Variants in FRMD4B observed in about 807,000 individuals in gnomAD.
FRMD4B encodes FERM domain containing 4B.
Under a neutral mutation model 141.5 loss-of-function variants are expected in FRMD4B, and 74 were observed. That is an observed-to-expected ratio of 0.52 (90% confidence interval 0.43 to 0.63). FRMD4B has a LOEUF of 0.63. FRMD4B is among the 30% of genes least tolerant of loss of function. FRMD4B has a pLI of 0.00. For missense variants in FRMD4B, 1,366 were observed against 1,253.4 expected (o/e 1.09, Z -1.36); for synonymous variants, 506 against 467.9 (o/e 1.08, Z -1.05).
In FRMD4B at chr3:69,524,426, C is replaced by A. The variant is rs573698452; in HGVS notation, c.-129+17780G>T. Reference sequence around the variant, plus strand: ...TCTCCAGTGATCTTTCAGTTAACTCCAAATTAACTAAAGCTGTCATGTGTT... The same window carrying A: ...TCTCCAGTGATCTTTCAGTTAACTCAAAATTAACTAAAGCTGTCATGTGTT... On this transcript the variant is annotated intron_variant, in intron 1 of 5. Coordinates refer to the FRMD4B transcript ENST00000459638. Among the ~76,000 whole-genome samples the A allele has an allele frequency of 4.6e-5, 7 of 152,284 alleles. No homozygotes were observed. In the South Asian group the frequency reaches 1.5e-3, roughly 32 times the overall value.
chr3:69,534,911 A>G (rs1456667553), intron 1 of FRMD4B, among the ~76,000 whole-genome samples: 1 of 152,236 alleles, frequency 6.6e-6, no homozygotes, highest in Non-Finnish European at 1.5e-5. Context: ...AAAATGTGGC[A>G]CATAGTTGGT....
chr3:69,181,193 A>G lies in FRMD4B; in HGVS notation c.2557T>C (p.Tyr853His), dbSNP rs2092703602. The part of the protein sequence containing the change: ...AHYGYERQRD[Y>H]SRSFHEDEVD... Reference sequence around the variant, plus strand: ...TCATCTTCGTGAAAGGATCTGCTGTAGTCCCTCTGGCGCTCATATCCATAG... The same window carrying G: ...TCATCTTCGTGAAAGGATCTGCTGTGGTCCCTCTGGCGCTCATATCCATAG... Residue 853 changes from tyrosine to histidine, a missense_variant, in exon 21 of 23, where the codon TAC (tyrosine) becomes CAC (histidine). Transcript: ENST00000398540. The G allele has an allele frequency of 1.2e-6, 2 of 1,613,886 alleles. No homozygotes were observed. The highest frequency in any genetic ancestry group is 2.7e-5 in the African/African-American group (2 of 74,926).
intron 5 of FRMD4B, among the ~76,000 whole-genome samples, chr3:69,258,829 G>A (rs1421117708): frequency 3.3e-5 from 5 of 151,918 alleles, no homozygotes; most frequent in African/African-American, 7.3e-5. Flanking sequence ...GAACCTGTGG[G>A]GCCATGAGAA....
intron 1 of FRMD4B, among the ~76,000 whole-genome samples, chr3:69,470,487 G>C (rs1705869016): frequency 6.6e-6 from 1 of 150,990 alleles, no homozygotes; most frequent in Non-Finnish European, 1.5e-5. Flanking sequence ...TATGTCCAAA[G>C]AACAAAGAGA....
chr3:69,410,726 A>AATAAATATATATATAT (rs1559519781), intron 2 of FRMD4B, among the ~76,000 whole-genome samples: 1 of 86,310 alleles, frequency 1.2e-5, no homozygotes, highest in Non-Finnish European at 2.4e-5. Flanking sequence ...TAAATAAATA[A>AATAAATATATATATAT]ATATATATAT....
chr3:69,287,079 A>G (rs1226425786), intron 5 of FRMD4B, among the ~76,000 whole-genome samples: 1 of 152,246 alleles, frequency 6.6e-6, no homozygotes, highest in East Asian at 1.9e-4. Flanking sequence ...CTGGGATTAC[A>G]AGCATGAGCT....
chr3:69,257,627 A>G (rs911183337), intron 5 of FRMD4B, among the ~76,000 whole-genome samples: 1 of 151,868 alleles, frequency 6.6e-6, no homozygotes, highest in South Asian at 2.1e-4. Context: ...AATAACACTA[A>G]TTTCATCACT....
chr3:69,505,955 C>A (rs948156584), intron 1 of FRMD4B, among the ~76,000 whole-genome samples: 2 of 152,182 alleles, frequency 1.3e-5, no homozygotes, highest in African/African-American at 4.8e-5. Context: ...CAGCAACCAA[C>A]TAACAGTAGA....
chr3:69,482,308 C>A (rs1213148838), intron 1 of FRMD4B, among the ~76,000 whole-genome samples: 1 of 152,006 alleles, frequency 6.6e-6, no homozygotes, highest in Non-Finnish European at 1.5e-5. Flanking sequence ...TTCTCTGTGG[C>A]CCTAACTAAG....
chr3:69,385,079 A>T (rs982890786), intron 1 of FRMD4B, among the ~76,000 whole-genome samples: 5 of 152,080 alleles, frequency 3.3e-5, no homozygotes, highest in Admixed American at 1.3e-4. Context: ...AAAAAAAAAA[A>T]AGAAATCCAG....
intron 1 of FRMD4B, among the ~76,000 whole-genome samples, chr3:69,535,186 T>C (rs1701066130): frequency 6.6e-6 from 1 of 152,208 alleles, no homozygotes; most frequent in African/African-American, 2.4e-5. Context: ...TAGATCTGAG[T>C]GTAGATCCTC....
intron 21 of FRMD4B, among the ~76,000 whole-genome samples, chr3:69,180,246 C>CCA (rs2092690899): frequency 2.0e-5 from 2 of 101,052 alleles, no homozygotes; most frequent in Admixed American, 1.0e-4. Context: ...CTTGTTTCTA[C>CCA]AAAAAAAAAA....
chr3:69,516,502 T>C (rs1477001909), intron 1 of FRMD4B, among the ~76,000 whole-genome samples: 2 of 152,200 alleles, frequency 1.3e-5, no homozygotes, highest in East Asian at 1.9e-4. Flanking sequence ...TCCCAGAAAG[T>C]AGAAAACACA....
intron 2 of FRMD4B, among the ~76,000 whole-genome samples, chr3:69,422,097 A>G (rs1704991356): frequency 6.6e-6 from 1 of 152,220 alleles, no homozygotes; most frequent in African/African-American, 2.4e-5. Flanking sequence ...AACTTATATT[A>G]AAAGGAGAGG....
intron 1 of FRMD4B, among the ~76,000 whole-genome samples, chr3:69,494,125 C>A (rs946582357): frequency 1.3e-5 from 2 of 152,292 alleles, no homozygotes; most frequent in South Asian, 2.1e-4. Flanking sequence ...AGTGGTTCTC[C>A]CACCTTGGCC....
chr3:69,283,429 CAAAAA>C (rs59444542), intron 5 of FRMD4B, among the ~76,000 whole-genome samples: 2 of 139,456 alleles, frequency 1.4e-5, no homozygotes. Flanking sequence ...GCAACAACAA[CAAAAA>C]AAAAAAAAAA....
At chr3:69,270,146 G>A (rs12107294) in intron 5 of FRMD4B, among the ~76,000 whole-genome samples, 3,758 of 152,212 alleles carry the variant, frequency 0.025, 142 homozygotes, top group African/African-American at 0.083. Context: ...CTACGGCGTA[G>A]CCAGGACTAC....
chr3:69,224,702 T>C lies in FRMD4B; in HGVS notation c.582-12A>G. On this transcript the variant is annotated splice_polypyrimidine_tract_variant and intron_variant, in intron 7 of 22. Transcript: ENST00000398540. ...TGGCATTTTCATCACTAAAAAGAAATGGAATATGGTAATGTCAGGTACTGT... is the reference window on the plus strand; with the variant it reads ...TGGCATTTTCATCACTAAAAAGAAACGGAATATGGTAATGTCAGGTACTGT... 1 of 1,344,002 alleles carries C rather than the reference T, an allele frequency of 7.4e-7. No homozygotes were observed. The highest frequency in any genetic ancestry group is 1.1e-6 in the Non-Finnish European group (1 of 950,856). 83.3% of individuals were successfully genotyped at this position (1,344,002 alleles called of 1,614,324 possible). A position where few individuals can be genotyped will look rare whatever the true frequency, so the allele number is the denominator to read the frequency against.
chr3:69,211,022 C>T (rs1453933370), intron 11 of FRMD4B, among the ~76,000 whole-genome samples: 1 of 3,366 alleles, frequency 3.0e-4, no homozygotes, highest in East Asian at 1.7e-3. Flanking sequence ...AATGCCATCT[C>T]GAAAAAAAAA....
Sources: allele counts gnomAD v4.1 joint callset (sites outside exome capture counted in the v4.1 genomes callset), GRCh38; gene constraint gnomAD v4.1.1; transcripts MANE v1.5; gene names NCBI Gene and HGNC (gene_info 2026-07-23, HGNC 2026-07-21).